The following RGS7 variants were observed in gnomAD, a reference collection of about 807,000 sequenced individuals.
RGS7 encodes the protein regulator of G protein signaling 7.
RGS7 carries 27 observed loss-of-function variants against 81.1 expected under a neutral mutation model. The observed-to-expected ratio is 0.33, with a 90% CI of 0.25 to 0.46. The LOEUF (loss-of-function observed/expected upper bound fraction) is 0.46. Among genes scored for constraint, RGS7 ranks in the 20% least tolerant of loss-of-function variants. RGS7 has a pLI of 1.00. For missense variants in RGS7, 396 were observed against 607.4 expected (o/e 0.65, Z 3.66); for synonymous variants, 208 against 207.7 (o/e 1.00, Z -0.01).
At chr1:240,981,398 C>A (rs1202847875) in intron 4 of RGS7, among the ~76,000 whole-genome samples, 1 of 152,178 alleles carries the variant, frequency 6.6e-6, no homozygotes, top group African/African-American at 2.4e-5. Flanking sequence ...GCATGAGTCA[C>A]CGCGCCTGAC....
At position 240,812,334 on chromosome 1, in the gene RGS7, C is replaced by T. The variant is rs12239695; in HGVS notation, c.957-291G>A. Among the ~76,000 whole-genome samples the T allele has an allele frequency of 0.75, 114,377 of 151,740 alleles. 43,425 individuals carry two copies. The highest frequency in any genetic ancestry group is 0.79 in the African/African-American group (32,615 of 41,382). ...AGCCACTATTAATCTTATTATTTTCCAGATGAGGACAGTGAGGCACAGTAT... is the reference window on the plus strand; with the variant it reads ...AGCCACTATTAATCTTATTATTTTCTAGATGAGGACAGTGAGGCACAGTAT... On this transcript the variant is annotated intron_variant, in intron 13 of 18. Transcript: ENST00000440928.
At chr1:240,848,101 C>T (rs771539425) in intron 9 of RGS7, among the ~76,000 whole-genome samples, 1 of 152,150 alleles carries the variant, frequency 6.6e-6, no homozygotes, top group African/African-American at 2.4e-5. Flanking sequence ...GAAGCCATCA[C>T]TGCCTTGTTC....
chr1:240,929,527 G>A (rs1348617769), intron 6 of RGS7, among the ~76,000 whole-genome samples: 3 of 152,044 alleles, frequency 2.0e-5, no homozygotes, highest in African/African-American at 7.2e-5. Flanking sequence ...ACTAGAGCCT[G>A]ACCATTCTTG....
chr1:241,011,522 C>T (rs978176338), intron 3 of RGS7, among the ~76,000 whole-genome samples: 3 of 151,352 alleles, frequency 2.0e-5, no homozygotes, highest in African/African-American at 7.3e-5. Flanking sequence ...ATTGAGGGAC[C>T]TTTAGATGAT....
intron 2 of RGS7, among the ~76,000 whole-genome samples, chr1:241,310,553 CT>C (rs112549538): frequency 0.022 from 2,915 of 135,562 alleles, 50 homozygotes; most frequent in African/African-American, 0.052. Flanking sequence ...AGGACTATGT[CT>C]TTTTTTTTTT....
intron 6 of RGS7, among the ~76,000 whole-genome samples, chr1:240,924,834 A>G (rs1272348844): frequency 6.6e-6 from 1 of 152,232 alleles, no homozygotes; most frequent in Non-Finnish European, 1.5e-5. Context: ...GGTAATCAAA[A>G]TAAATAATAT....
intron 3 of RGS7, among the ~76,000 whole-genome samples, chr1:241,013,223 C>G (rs1293193699): frequency 2.0e-5 from 3 of 151,954 alleles, no homozygotes; most frequent in Non-Finnish European, 4.4e-5. Context: ...CCACCATGCT[C>G]AACTAATATT....
chr1:241,297,248 T>C (rs983370171), intron 2 of RGS7, among the ~76,000 whole-genome samples: 5 of 152,160 alleles, frequency 3.3e-5, no homozygotes, highest in Admixed American at 6.5e-5. Flanking sequence ...TATGGAAGAA[T>C]GGATGGAAAG....
intron 10 of RGS7, among the ~76,000 whole-genome samples, chr1:240,819,853 CAG>C (rs1691475525): frequency 6.6e-6 from 1 of 152,214 alleles, no homozygotes; most frequent in East Asian, 1.9e-4. Flanking sequence ...GAAGTTACTG[CAG>C]AGTTTCCATT....
chr1:241,237,552 C>A (rs2076045468), intron 2 of RGS7, among the ~76,000 whole-genome samples: 1 of 152,046 alleles, frequency 6.6e-6, no homozygotes, highest in East Asian at 1.9e-4. Flanking sequence ...TGAGATTCCA[C>A]CAGACTTCCT....
At chr1:241,161,358 G>A (rs145454027) in intron 2 of RGS7, among the ~76,000 whole-genome samples, 1 of 151,982 alleles carries the variant, frequency 6.6e-6, no homozygotes, top group Admixed American at 6.6e-5. Context: ...GTTTTTAAGA[G>A]ATAATTAAAA....
intron 2 of RGS7, among the ~76,000 whole-genome samples, chr1:241,332,660 G>A (rs2148663325): frequency 6.6e-6 from 1 of 152,226 alleles, no homozygotes; most frequent in African/African-American, 2.4e-5. Flanking sequence ...AATTAATTGT[G>A]GAAAGCTGTT....
intron 2 of RGS7, among the ~76,000 whole-genome samples, chr1:241,229,347 C>A (rs937790139): frequency 1.3e-5 from 2 of 152,176 alleles, no homozygotes; most frequent in Non-Finnish European, 2.9e-5. Flanking sequence ...AAACTTCCCA[C>A]GGTAGTGAAA....
chr1:240,874,383 A>G (rs1665001104), intron 6 of RGS7, among the ~76,000 whole-genome samples: 1 of 152,110 alleles, frequency 6.6e-6, no homozygotes, highest in Non-Finnish European at 1.5e-5. Context: ...CCATGAACTG[A>G]GGCCTCTGAT....
chr1:241,071,865 A>C (rs2062469836), intron 3 of RGS7, among the ~76,000 whole-genome samples: 1 of 130,952 alleles, frequency 7.6e-6, no homozygotes. Flanking sequence ...TGACAGAGTG[A>C]GACCCTGTCA....
At position 240,834,701 on chromosome 1, in the gene RGS7, C is replaced by T. The variant is rs573332216; in HGVS notation, c.610-7529G>A. ...AATTTTTTTGTATTTTTAGTAGAGA[C>T]GGGGTTTCACCGTGTTAGCCAGGAT... On this transcript the variant is annotated intron_variant, in intron 9 of 18. Coordinates refer to ENST00000440928, the MANE Select transcript of RGS7 (RefSeq NM_001364886.1). 2.7e-4 allele frequency among the ~76,000 whole-genome samples: 41 copies of T among 151,916 alleles called. No individual in the cohort carries two copies. In the East Asian group the frequency reaches 5.4e-3, roughly 20 times the overall value.
chr1:241,085,682 C>T (rs1425682649), intron 3 of RGS7, among the ~76,000 whole-genome samples: 1 of 152,158 alleles, frequency 6.6e-6, no homozygotes, highest in African/African-American at 2.4e-5. Context: ...GATCTGCCCA[C>T]CTCGGCCTCC....
chr1:241,325,801 G>T (rs927073003), intron 2 of RGS7, among the ~76,000 whole-genome samples: 2 of 152,046 alleles, frequency 1.3e-5, no homozygotes, highest in African/African-American at 4.8e-5. Context: ...CATACAGAGG[G>T]GAAGGGAGGA....
At chr1:240,867,916 G>A (rs905553940) in intron 9 of RGS7, among the ~76,000 whole-genome samples, 5 of 151,630 alleles carry the variant, frequency 3.3e-5, no homozygotes, top group South Asian at 2.1e-4. Context: ...GTGGGAGGAC[G>A]GCTTGAACTG....
Sources: allele counts gnomAD v4.1 joint callset (sites outside exome capture counted in the v4.1 genomes callset), GRCh38; gene constraint gnomAD v4.1.1; transcripts MANE v1.5; gene names NCBI Gene and HGNC (gene_info 2026-07-23, HGNC 2026-07-21).